The following MYH4 variants were observed in gnomAD, a reference collection of about 807,000 sequenced individuals.
MYH4 encodes the protein myosin heavy chain 4, also known as myosin-4.
MYH4 carries 200 observed loss-of-function variants against 229.9 expected under a neutral mutation model. That is an observed-to-expected ratio of 0.87 (90% CI 0.78 to 0.98). MYH4 has a LOEUF of 0.98. Ranked by LOEUF, MYH4 falls within the 50% of genes least tolerant of loss-of-function variation. MYH4 has a pLI of 0.00. For missense variants in MYH4, 2,148 were observed against 2,332.6 expected, an observed-to-expected ratio of 0.92 and a Z score of 1.63; for synonymous variants, 761 against 834.6, an observed-to-expected ratio of 0.91 and a Z score of 1.52.
In MYH4 at chr17:10,469,557, G is replaced by T. The variant is rs1224878684; in HGVS notation, c.-109C>A. 9 of 152,168 alleles carry T rather than the reference G, an allele frequency of 5.9e-5. No individual in the cohort carries two copies. Among genetic ancestry groups the T allele is most frequent in the Admixed American group, 5.9e-4 (9 of 15,274 alleles). The allele number at this position is 152,168 out of a possible 1,614,324, so 9.4% of individuals were successfully genotyped here. On this transcript the variant is annotated 5_prime_UTR_variant, in exon 1 of 40. Transcript: ENST00000255381. ...CATACCTTCAAGAATTTTGAGGAAG[G>T]ATGGGAAAGAGGCATCTCAGCTCCA...
rs955623085 is a variant in MYH4 at position 10,452,253 on chromosome 17, G to A, written c.3426C>T (p.Asp1142=). The A allele has an allele frequency of 3.7e-6, 6 of 1,613,976 alleles. No homozygotes were observed. Among genetic ancestry groups the A allele is most frequent in the East Asian group, 2.2e-5 (1 of 44,880 alleles). The change falls in exon 27 of 40, where the codon GAC becomes GAT. Residue 1142 remains aspartate, a synonymous_variant. Transcript: ENST00000255381. ...SRAKAEKQRS[D]LSRELEEISE... ...TGATCTCCTCCAGCTCCCGGGAGAG[G>A]TCAGAGCGCTGCTTCTCTGCTTTGG...
At chr17:10,466,447 C>G in intron 3 of MYH4, 31 bp from the exon 4 acceptor site, 5 of 1,612,716 alleles carry the variant, frequency 3.1e-6, no homozygotes, top group Non-Finnish European at 3.4e-6. Context: ...AAGTGCATAT[C>G]AAATAAGTAG....
At chr17:10,451,250 T>TC in intron 28 of MYH4, 76 bp downstream of exon 28, 4 of 1,517,536 alleles carry the variant, frequency 2.6e-6, no homozygotes, top group Non-Finnish European at 3.6e-6. Flanking sequence ...GAGAAATTAC[T>TC]TGTATTTGAT....
rs113483057 is a variant in MYH4 at position 10,446,957 on chromosome 17, C to T, written c.5169+56G>A. The T allele has an allele frequency of 4.9e-4, 754 of 1,538,352 alleles. 5 individuals carry two copies. In the African/African-American group the frequency reaches 9.2e-3, roughly 19 times the overall value. ...TACTTTATAAACAAGCTTATCTTCT[C>T]AAATTATCTTCAGCTTCAGGGAGTA... On this transcript the variant is annotated intron_variant, in intron 35 of 39. Transcript: ENST00000255381.
At position 10,460,267 on chromosome 17, in the gene MYH4, G is replaced by C. The variant is rs1037249095; in HGVS notation, c.1202C>G (p.Ser401Cys). 5 of 1,614,126 alleles carry C rather than the reference G, an allele frequency of 3.1e-6. No individual in the cohort carries two copies. Among genetic ancestry groups the C allele is most frequent in the Non-Finnish European group, 4.2e-6 (5 of 1,179,950 alleles). Residue 401 changes from serine (S) to cysteine (C), a missense_variant, in exon 13 of 40, where the codon TCT becomes TGT. By Grantham distance (112) the Ser-to-Cys change is moderately radical (BLOSUM62 -1). Coordinates refer to ENST00000255381, the MANE Select transcript of MYH4 (RefSeq NM_017533.2). ...GACCTTGACTCTGGGATAGCAGAGA[G>C]ATTTGAGCAGGTCAGCAGAGTTCAG... ...TSLNSADLLKSLCYPRVKVGN... is the reference protein window; with the variant it reads ...TSLNSADLLKCLCYPRVKVGN...
rs200307957 is a variant in MYH4 at position 10,466,765 on chromosome 17, C to T, written c.-20G>A. ...ACTCATGGCTGCAGGTTATTGATGG[C>T]AGTACTGGACTAGGTATACCTAGAG... On this transcript the variant is annotated 5_prime_UTR_variant, in exon 3 of 40. Transcript: ENST00000255381. 2.7e-5 allele frequency: 44 copies of T among 1,613,818 alleles called. No homozygotes were observed. In the African/African-American group the frequency reaches 3.6e-4, roughly 13 times the overall value.
intron 3 of MYH4, 46 bp downstream of exon 3, chr17:10,466,496 C>T: frequency 3.7e-6 from 6 of 1,613,484 alleles, no homozygotes; most frequent in South Asian, 1.1e-5. Flanking sequence ...CCTAAATTAA[C>T]CCAAAATGAG....
At chr17:10,454,040 G>A (rs1185398250) in intron 22 of MYH4, among the ~76,000 whole-genome samples, 155 bp from the exon 23 acceptor site, 1 of 152,196 alleles carries the variant, frequency 6.6e-6, no homozygotes, top group Non-Finnish European at 1.5e-5. Context: ...TGTTAATACT[G>A]TTATCTACTG....
chr17:10,469,203 C>G (rs1241689322), intron 2 of MYH4, 85 bp downstream of exon 2: 1 of 152,118 alleles, frequency 6.6e-6, no homozygotes, highest in Admixed American at 6.5e-5. Context: ...CAATACTAAA[C>G]TAGGAAATAA....
chr17:10,447,276 T>C (rs1340580747), intron 34 of MYH4, 60 bp from the exon 35 acceptor site: 2 of 1,451,912 alleles, frequency 1.4e-6, no homozygotes, highest in Non-Finnish European at 1.9e-6. Context: ...TGCAAACTTA[T>C]GGTCATGTAC....
At chr17:10,457,273 T>A in intron 16 of MYH4, 147 bp downstream of exon 16, 1 of 896,168 alleles carries the variant, frequency 1.1e-6, no homozygotes. Context: ...TAAGACTGTA[T>A]CACAGTTATT....
chr17:10,445,471 A>G, intron 35 of MYH4, 109 bp from the exon 36 acceptor site: 1 of 1,433,306 alleles, frequency 7.0e-7, no homozygotes, highest in Non-Finnish European at 9.5e-7. Flanking sequence ...AGAAATGTTT[A>G]GAATAAAAAC....
chr17:10,465,577 C>G lies in MYH4; in HGVS notation c.370G>C (p.Val124Leu). The G allele has an allele frequency of 2.5e-6, 4 of 1,614,052 alleles. No individual in the cohort carries two copies. Among genetic ancestry groups the G allele is most frequent in the Non-Finnish European group, 3.4e-6 (4 of 1,180,010 alleles). The change falls in exon 5 of 40, where the codon GTC (valine) becomes CTC (leucine). Residue 124 changes from valine to leucine, a missense_variant. Transcript: ENST00000255381. ...AGCCACTTGTAGGGGTTGACGGTGA[C>G]ACAGAAGAGGCCCGAGTAGGTCTGT... is the stretch of plus-strand genomic sequence containing the variant. Reference protein sequence around the residue: ...MIYTYSGLFCVTVNPYKWLPV... With the variant: ...MIYTYSGLFCLTVNPYKWLPV...
Position 10,444,789 on chromosome 17 carries a change from G to A in MYH4, c.5571+6C>T. 2.5e-6 allele frequency: 4 copies of A among 1,613,722 alleles called. No individual in the cohort carries two copies. Among genetic ancestry groups the A allele is most frequent in the Non-Finnish European group, 3.4e-6 (4 of 1,179,754 alleles). ...TAGGCCTGGAAGATATGAAAACACT[G>A]GTCACCTGGTAAGTGAGTTCCTTCA... On this transcript the variant is annotated splice_donor_region_variant and intron_variant, in intron 38 of 39. Transcript: ENST00000255381.
In MYH4 at chr17:10,465,530, C is replaced by T. The variant is rs944591998; in HGVS notation, c.417G>A (p.Val139=). 7.4e-6 allele frequency: 12 copies of T among 1,614,164 alleles called. No individual in the cohort carries two copies. The East Asian group carries it at 1.8e-4, about 24-fold the overall frequency. Residue 139 remains valine (V), a synonymous_variant, in exon 5 of 40, where the codon GTG becomes GTA. Coordinates refer to ENST00000255381, the MANE Select transcript of MYH4 (RefSeq NM_017533.2). ...GCTTTTTGCCTCGGTAGGCTGTCAC[C>T]ACCTCAGGGTTGTACACCGGCAGCC... The part of the protein sequence containing the change: ...YKWLPVYNPE[V]VTAYRGKKRQ...
chr17:10,451,027 A>G, intron 28 of MYH4, 132 bp from the exon 29 acceptor site: 2 of 873,030 alleles, frequency 2.3e-6, no homozygotes, highest in Admixed American at 2.6e-5. Flanking sequence ...TGATGTTGAG[A>G]AGGTTATTTC....
At position 10,454,620 on chromosome 17, in the gene MYH4, C is replaced by A; in HGVS notation, c.2626G>T (p.Glu876Ter). The change falls in exon 22 of 40, where the codon GAA becomes TAA. Residue 876 changes from glutamate to a stop codon, truncating the protein, a stop_gained. Coordinates refer to ENST00000255381, the MANE Select transcript of MYH4 (RefSeq NM_017533.2). LOFTEE classifies it high-confidence loss of function. ...AGCGTCACCATCTTTTCTTCTAGTT[C>A]TTTCCTTTTTGCCTCTGTCTTAGCC... ...ELAKTEAKRK[E>*]LEEKMVTLMQ... 1 of 1,614,140 alleles carries A rather than the reference C, an allele frequency of 6.2e-7. No individual in the cohort carries two copies. Among genetic ancestry groups the A allele is most frequent in the Non-Finnish European group, 8.5e-7 (1 of 1,180,026 alleles).
At position 10,459,183 on chromosome 17, in the gene MYH4, T is replaced by C. The variant is rs780114188; in HGVS notation, c.1587+68A>G. The C allele has an allele frequency of 5.6e-6, 9 of 1,611,348 alleles. No homozygotes were observed. In the Middle Eastern group the frequency reaches 6.6e-4, roughly 118 times the overall value. ...CTGCTTGTTCTTTGAGAACAGGGAGTGTGATTAAGCACAGGGAGGCAAGCA... is the reference window on the plus strand; with the variant it reads ...CTGCTTGTTCTTTGAGAACAGGGAGCGTGATTAAGCACAGGGAGGCAAGCA... On this transcript the variant is annotated intron_variant, in intron 15 of 39. Coordinates refer to ENST00000255381, the MANE Select transcript of MYH4 (RefSeq NM_017533.2).
chr17:10,457,920 T>TA (rs940260875), intron 15 of MYH4, among the ~76,000 whole-genome samples, 191 bp from the exon 16 acceptor site: 1 of 151,976 alleles, frequency 6.6e-6, no homozygotes, highest in Non-Finnish European at 1.5e-5. Flanking sequence ...AAGACTCAGT[T>TA]AAAAAAAATA....
Sources: allele counts gnomAD v4.1 joint callset (sites outside exome capture counted in the v4.1 genomes callset), GRCh38; gene constraint gnomAD v4.1.1; transcripts MANE v1.5; gene names NCBI Gene and HGNC (gene_info 2026-07-23, HGNC 2026-07-21).